The following MROH2A variants were observed in gnomAD, a reference collection of about 807,000 sequenced individuals.
MROH2A encodes the protein maestro heat like repeat family member 2A, also known as maestro heat-like repeat-containing protein family member 2A.
A neutral mutation model predicts 200.4 loss-of-function variants in MROH2A; 174 were observed. The observed-to-expected ratio is 0.87, with a 90% confidence interval of 0.77 to 0.98. The LOEUF (loss-of-function observed/expected upper bound fraction) is 0.98. Ranked by LOEUF, MROH2A falls within the 50% of genes least tolerant of loss-of-function variation. MROH2A has a pLI of 0.00. For missense variants in MROH2A, 2,045 were observed against 2,139.6 expected (o/e 0.96, Z 0.87); for synonymous variants, 829 against 840.4 (o/e 0.99, Z 0.23).
rs1254036384 is a variant in MROH2A at position 233,778,356 on chromosome 2, G to A, written c.-140G>A. 5.9e-6 allele frequency: 1 copy of A among 169,140 alleles called. No individual in the cohort carries two copies. Among genetic ancestry groups the A allele is most frequent in the Admixed American group, 6.5e-5 (1 of 15,296 alleles). 10.5% of individuals were successfully genotyped at this position (169,140 alleles called of 1,614,324 possible). A position where few individuals can be genotyped will look rare whatever the true frequency, so the allele number is the denominator to read the frequency against. ...TTCCTATAAGAAATATGACTGAAGA[G>A]CCCAGCTGTCTCACTTTGATAACCA... On this transcript the variant is annotated 5_prime_UTR_variant, in exon 1 of 42. Coordinates refer to ENST00000389758, the MANE Select transcript of MROH2A (RefSeq NM_001394639.1).
At chr2:233,781,656 C>T (rs1299620636) in intron 3 of MROH2A, among the ~76,000 whole-genome samples, 1 of 152,028 alleles carries the variant, frequency 6.6e-6, no homozygotes, top group African/African-American at 2.4e-5. Flanking sequence ...GAGAGATATT[C>T]TCCTATTCTG....
At chr2:233,814,179 G>A (rs957995081) in intron 25 of MROH2A, among the ~76,000 whole-genome samples, 4 of 152,166 alleles carry the variant, frequency 2.6e-5, no homozygotes, top group Non-Finnish European at 5.9e-5. Context: ...AGACTTGAGA[G>A]TCATTTTGCC....
chr2:233,809,879 C>G (rs1375102425), intron 22 of MROH2A, among the ~76,000 whole-genome samples: 1 of 149,632 alleles, frequency 6.7e-6, no homozygotes, highest in Non-Finnish European at 1.5e-5. Context: ...AAACCAAAAT[C>G]CTATATCCAT....
At chr2:233,826,443 A>T (rs1277368855) in intron 35 of MROH2A, among the ~76,000 whole-genome samples, 12 of 152,352 alleles carry the variant, frequency 7.9e-5, no homozygotes, top group Non-Finnish European at 2.9e-5. Flanking sequence ...CTGATCTTGG[A>T]CAAACCTGAC....
chr2:233,819,334 T>C lies in MROH2A; in HGVS notation c.3222T>C (p.Phe1074=). ...SRIAKVVCME[F]SCDEVVSLIQ... ...GCTCCTAGGTGGTCTGCATGGAGTT[T>C]AGCTGCGATGAGGTGGTCTCGCTCA... Residue 1074 remains phenylalanine (F), a synonymous_variant, in exon 30 of 42, where the codon TTT becomes TTC. Coordinates refer to ENST00000389758, the MANE Select transcript of MROH2A (RefSeq NM_001394639.1). 6.5e-7 allele frequency: 1 copy of C among 1,550,350 alleles called. No individual in the cohort carries two copies. The highest frequency in any genetic ancestry group is 8.7e-7 in the Non-Finnish European group (1 of 1,146,774).
chr2:233,788,558 T>G (rs1048417237), intron 3 of MROH2A, among the ~76,000 whole-genome samples: 1 of 152,070 alleles, frequency 6.6e-6, no homozygotes, highest in Non-Finnish European at 1.5e-5. Flanking sequence ...GGGAGTGACC[T>G]CCCTACCACC....
chr2:233,815,831 G>A (rs1703482321), intron 26 of MROH2A, among the ~76,000 whole-genome samples: 1 of 134,166 alleles, frequency 7.5e-6, no homozygotes, highest in Non-Finnish European at 1.5e-5. Context: ...GATAATGTAA[G>A]TCCTTAGATT....
chr2:233,794,921 C>G (rs1360925394), intron 8 of MROH2A, among the ~76,000 whole-genome samples: 2 of 152,154 alleles, frequency 1.3e-5, no homozygotes, highest in African/African-American at 4.8e-5. Context: ...AGCTCTCTTG[C>G]CTCTTCCAGC....
chr2:233,784,984 A>G (rs535109002), intron 3 of MROH2A, among the ~76,000 whole-genome samples: 10 of 152,182 alleles, frequency 6.6e-5, no homozygotes, highest in Admixed American at 3.3e-4. Context: ...CATCTCTGCT[A>G]AAAATACAAA....
intron 25 of MROH2A, 116 bp from the exon 26 acceptor site, chr2:233,814,466 C>T: frequency 1.5e-6 from 1 of 649,794 alleles, no homozygotes. Flanking sequence ...AGAGCTCAGA[C>T]TGAACAGAAG....
chr2:233,802,117 C>G, intron 14 of MROH2A, 51 bp from the exon 15 acceptor site: 5 of 1,510,112 alleles, frequency 3.3e-6, no homozygotes, highest in Non-Finnish European at 2.7e-6. Context: ...TCCTTAGAAG[C>G]CCAGGGCTTG....
At chr2:233,832,150 G>GCAAA (rs2124937748) in intron 39 of MROH2A, 27 bp from the exon 40 acceptor site, 1 of 1,466,194 alleles carries the variant, frequency 6.8e-7, no homozygotes, top group Non-Finnish European at 9.1e-7. Flanking sequence ...ATCCTCCAAA[G>GCAAA]CTGTGTGTAT....
rs2124916632 is a variant in MROH2A, at chr2:233,828,672, C to T, written c.4156C>T (p.Pro1386Ser). ...PVLYQEKLLKPAALLLEKGAD... is the reference protein window; with the variant it reads ...PVLYQEKLLKSAALLLEKGAD... ...TCTGTACCAGGAGAAGCTGCTGAAGCCGGCAGCTTTGCTGCTGGAGAAGGG... is the reference window on the plus strand; with the variant it reads ...TCTGTACCAGGAGAAGCTGCTGAAGTCGGCAGCTTTGCTGCTGGAGAAGGG... The change falls in exon 36 of 42, where the codon CCG becomes TCG. Residue 1386 changes from proline to serine, a missense_variant. Physicochemically the swap from Pro to Ser is moderately conservative, Grantham distance 74. Transcript: ENST00000389758. The surrounding 1 kb of genome is among the most constrained non-coding windows in gnomAD (Gnocchi z 4.6). 1.3e-6 allele frequency: 2 copies of T among 1,550,756 alleles called. No homozygotes were observed. The highest frequency in any genetic ancestry group is 4.9e-5 in the East Asian group (2 of 40,924).
intron 41 of MROH2A, among the ~76,000 whole-genome samples, chr2:233,832,859 C>T (rs1429117939): frequency 6.6e-6 from 1 of 152,146 alleles, no homozygotes; most frequent in Non-Finnish European, 1.5e-5. Context: ...TGGGCTGTTT[C>T]TCCCATTCAT....
chr2:233,787,050 T>C (rs1213101877), intron 3 of MROH2A, among the ~76,000 whole-genome samples: 3 of 152,210 alleles, frequency 2.0e-5, no homozygotes, highest in African/African-American at 4.8e-5. Flanking sequence ...ATGCACACTC[T>C]ACAGAATCCA....
Position 233,819,482 on chromosome 2 carries a change from C to G in MROH2A, c.3357+13C>G. Reference sequence around the variant, plus strand: ...GCTGGAGGACAAGGTGGCAGAGCCGCGGCAGGGCCACCAGAGAGAGGGGCT... The same window carrying G: ...GCTGGAGGACAAGGTGGCAGAGCCGGGGCAGGGCCACCAGAGAGAGGGGCT... On this transcript the variant is annotated intron_variant, in intron 30 of 41. Transcript: ENST00000389758. 6.5e-7 allele frequency: 1 copy of G among 1,548,696 alleles called. No homozygotes were observed. The highest frequency in any genetic ancestry group is 8.7e-7 in the Non-Finnish European group (1 of 1,146,294).
chr2:233,787,436 T>C (rs1180037297), intron 3 of MROH2A, among the ~76,000 whole-genome samples: 1 of 134,624 alleles, frequency 7.4e-6, no homozygotes, highest in African/African-American at 2.8e-5. Context: ...CACACATATG[T>C]ATATACATAT....
chr2:233,795,786 G>T (rs1408656914), intron 9 of MROH2A, 41 bp downstream of exon 9: 5 of 1,550,636 alleles, frequency 3.2e-6, no homozygotes, highest in Non-Finnish European at 4.4e-6. Context: ...CATTCTCTGG[G>T]TGGATCAGCA....
At chr2:233,797,375 A>G (rs1213321453) in intron 11 of MROH2A, among the ~76,000 whole-genome samples, 1 of 152,234 alleles carries the variant, frequency 6.6e-6, no homozygotes, top group Non-Finnish European at 1.5e-5. Context: ...CATTGTATTA[A>G]AAGCAAAGCA....
Sources: gnomAD v4.1 joint callset for allele counts (sites outside exome capture counted in the v4.1 genomes callset) on GRCh38, gnomAD v4.1.1 for gene constraint, Gnocchi (gnomAD v3.1) non-coding constraint, MANE v1.5 for transcripts, NCBI Gene and HGNC (gene_info 2026-07-23, HGNC 2026-07-21) for gene names.